Variants in SYNJ2 observed in about 807,000 individuals in gnomAD.
SYNJ2 encodes the protein synaptojanin 2, also known as polyphosphatidylinositol phosphatase SYNJ2.
A neutral mutation model predicts 141.3 loss-of-function variants in SYNJ2; 116 were observed. That is an observed-to-expected ratio of 0.82 (90% confidence interval 0.71 to 0.96). SYNJ2 has a LOEUF of 0.96. Among genes scored for constraint, SYNJ2 ranks in the 40% least tolerant of loss-of-function variants. SYNJ2 has a pLI of 0.00. For missense variants in SYNJ2, 1,873 were observed against 1,934.8 expected (o/e 0.97, Z 0.60); for synonymous variants, 745 against 777.7 (o/e 0.96, Z 0.70).
chr6:157,988,607 G>A (rs974139448), intron 1 of SYNJ2, among the ~76,000 whole-genome samples: 1 of 152,148 alleles, frequency 6.6e-6, no homozygotes. Flanking sequence ...CTTTTTGGCT[G>A]CTCAGTTTCT....
In SYNJ2 at chr6:157,997,686, C is replaced by T. The variant is rs552027390; in HGVS notation, c.127+15598C>T. The stretch of plus-strand genomic sequence containing the variant: ...ACTAATACAGGGGCATTGTGTATCT[C>T]GTTCAGTACCTTACCTTAACACTGC... On this transcript the variant is annotated intron_variant, in intron 1 of 26. Transcript: ENST00000355585. Among the ~76,000 whole-genome samples, 4 of 152,300 alleles carry T rather than the reference C, an allele frequency of 2.6e-5. No homozygotes were observed. The East Asian group carries it at 7.7e-4, about 29-fold the overall frequency.
chr6:157,996,300 C>T (rs745844280), intron 1 of SYNJ2, among the ~76,000 whole-genome samples: 4 of 152,284 alleles, frequency 2.6e-5, no homozygotes, highest in Non-Finnish European at 5.9e-5. Context: ...TGAATCCCAC[C>T]GAGTCCCCCG....
chr6:158,066,616 G>C lies in SYNJ2; in HGVS notation c.1698G>C (p.Ser566=). Residue 566 remains serine, a synonymous_variant, in exon 12 of 27, where the codon TCG becomes TCC. Transcript: ENST00000355585. ...GGCTGCTCGACTCGCCCCAGCTCTC[G>C]GGAGCTACCGACTCCCAGGGTGAGG... ...TDWLLDSPQL[S]GATDSQDDSS... is the part of the protein sequence containing the mutation. The C allele has an allele frequency of 6.2e-7, 1 of 1,613,618 alleles. No homozygotes were observed.
rs761033591 is a variant in SYNJ2, at chr6:158,043,338, T to C, written c.734T>C (p.Val245Ala). The C allele has an allele frequency of 1.9e-6, 3 of 1,613,896 alleles. No homozygotes were observed. The South Asian group carries it at 3.3e-5, about 18-fold the overall frequency. Residue 245 changes from valine to alanine, a missense_variant, in exon 5 of 27, where the codon GTG becomes GCG. Physicochemically the swap from Val to Ala is moderately conservative, Grantham distance 64. Transcript: ENST00000355585. The surrounding 1 kb of genome is among the most constrained non-coding windows in gnomAD (Gnocchi z 4.0). ...TEQMIYMDDG[V>A]SSFVQIRGSV... ...CAGATGATTTACATGGACGATGGAG[T>C]GTCATCTTTTGTCCAGATCAGAGGC...
chr6:158,087,108 T>G, intron 23 of SYNJ2, 119 bp downstream of exon 23: 1 of 1,177,244 alleles, frequency 8.5e-7, no homozygotes, highest in Middle Eastern at 2.0e-4. Context: ...CCCACAGGGC[T>G]TCCTCCTCCT....
intron 18 of SYNJ2, 100 bp downstream of exon 18, chr6:158,078,381 C>T (rs1315963008): frequency 1.1e-5 from 8 of 741,700 alleles, no homozygotes; most frequent in East Asian, 2.5e-5. Flanking sequence ...GATGTGTGTG[C>T]GCATGGGGGT....
chr6:158,056,111 T>C (rs1040799853), intron 6 of SYNJ2, among the ~76,000 whole-genome samples: 4 of 152,088 alleles, frequency 2.6e-5, no homozygotes, highest in Non-Finnish European at 5.9e-5. Flanking sequence ...ACAAAAATAT[T>C]CTACCCGAAG....
chr6:157,982,125 A>G lies in SYNJ2; in HGVS notation c.127+37A>G. 7.8e-7 allele frequency: 1 copy of G among 1,286,064 alleles called. No individual in the cohort carries two copies. Among genetic ancestry groups the G allele is most frequent in the Non-Finnish European group, 9.8e-7 (1 of 1,015,902 alleles). 79.7% of individuals were successfully genotyped at this position (1,286,064 alleles called of 1,614,324 possible). Reference sequence around the variant, plus strand: ...CCGGGGGCAGCGACGCCCGGAGGAGAGGGCGCCCGCATTCGCCCAGCCTCG... The same window carrying G: ...CCGGGGGCAGCGACGCCCGGAGGAGGGGGCGCCCGCATTCGCCCAGCCTCG... On this transcript the variant is annotated intron_variant, in intron 1 of 26. Transcript: ENST00000355585. The surrounding 1 kb of genome is among the most constrained non-coding windows in gnomAD (Gnocchi z 4.0).
chr6:158,030,928 G>T (rs557107351), intron 3 of SYNJ2: 1 of 152,172 alleles, frequency 6.6e-6, no homozygotes, highest in African/African-American at 2.4e-5. Flanking sequence ...AAATAAAATC[G>T]TGAATCTCAT....
intron 1 of SYNJ2, among the ~76,000 whole-genome samples, chr6:158,016,749 C>T (rs1778474955): frequency 6.6e-6 from 1 of 152,160 alleles, no homozygotes; most frequent in South Asian, 2.1e-4. Flanking sequence ...ATGGGTTGGA[C>T]CCAGGCCCTG....
chr6:158,033,308 G>A, intron 3 of SYNJ2, 147 bp from the exon 4 acceptor site: 2 of 775,316 alleles, frequency 2.6e-6, no homozygotes. Context: ...CAGCCCAAGT[G>A]CAGAGTCCAC....
rs997488548 is a variant in SYNJ2 at position 158,067,464 on chromosome 6, A to T, written c.1717+829A>T. 2.0e-5 allele frequency: 20 copies of T among 985,338 alleles called. No individual in the cohort carries two copies. In the African/African-American group the frequency reaches 3.5e-4, roughly 17 times the overall value. 61.0% of individuals were successfully genotyped at this position (985,338 alleles called of 1,614,324 possible). ...TCCAAATGTTGACACCTCACCTTTT[A>T]TCTTGTAAGATACACTATTGAATGG... On this transcript the variant is annotated intron_variant, in intron 12 of 26. Transcript: ENST00000355585.
In SYNJ2 at chr6:158,092,957, C is replaced by T. The variant is rs1488703575; in HGVS notation, c.3597C>T (p.Ala1199=). The T allele has an allele frequency of 1.2e-6, 2 of 1,605,666 alleles. No homozygotes were observed. Among genetic ancestry groups the T allele is most frequent in the African/African-American group, 1.4e-5 (1 of 74,050 alleles). The part of the protein sequence containing the change: ...GASEEALSAV[A]PRDLEASSEP... ...CCGAAGAAGCCCTAAGTGCCGTGGC[C>T]CCAAGGGACCTTGAAGCATCCTCTG... The change falls in exon 26 of 27, where the codon GCC becomes GCT. Residue 1199 remains alanine (A), a synonymous_variant. Coordinates refer to ENST00000355585, the MANE Select transcript of SYNJ2 (RefSeq NM_003898.4).
intron 1 of SYNJ2, among the ~76,000 whole-genome samples, chr6:157,988,226 C>G (rs191568565): frequency 9.6e-4 from 147 of 152,342 alleles, no homozygotes; most frequent in African/African-American, 3.4e-3. Flanking sequence ...AGCTGGGACT[C>G]TGTGTGTGTA....
intron 17 of SYNJ2, 87 bp downstream of exon 17, chr6:158,076,869 G>A (rs984507177): frequency 7.6e-6 from 11 of 1,444,932 alleles, no homozygotes; most frequent in South Asian, 2.8e-5. Context: ...AACCCCAGGC[G>A]CTGCTACATA....
rs897797850 is a variant in SYNJ2, at chr6:158,097,705, C to T, written c.*1341C>T. 14 of 152,128 alleles carry T rather than the reference C, an allele frequency of 9.2e-5. No individual in the cohort carries two copies. Among genetic ancestry groups the T allele is most frequent in the Non-Finnish European group, 1.5e-4 (10 of 68,016 alleles). 9.4% of individuals were successfully genotyped at this position (152,128 alleles called of 1,614,324 possible). On this transcript the variant is annotated 3_prime_UTR_variant, in exon 27 of 27. Coordinates refer to ENST00000355585, the MANE Select transcript of SYNJ2 (RefSeq NM_003898.4). ...CTGGGCTATGCCACTGTCTTGTTAC[C>T]AATTAGACATCTGGAATTTCATAAT...
rs1286433585 is a variant in SYNJ2, at chr6:158,066,465, C to G, written c.1547C>G (p.Ala516Gly). 2 of 1,614,180 alleles carry G rather than the reference C, an allele frequency of 1.2e-6. No homozygotes were observed. Among genetic ancestry groups the G allele is most frequent in the East Asian group, 2.2e-5 (1 of 44,884 alleles). The change falls in exon 12 of 27, where the codon GCT (alanine) becomes GGT (glycine). Residue 516 changes from alanine (A) to glycine (G), a missense_variant. Transcript: ENST00000355585. Reference protein sequence around the residue: ...ALLVTPRILKAMTERQSEFTN... With the variant: ...ALLVTPRILKGMTERQSEFTN... Reference sequence around the variant, plus strand: ...ACAGTGACTCCCAGGATCCTGAAAGCTATGACTGAGCGTCAGTCCGAATTC... The same window carrying G: ...ACAGTGACTCCCAGGATCCTGAAAGGTATGACTGAGCGTCAGTCCGAATTC...
In SYNJ2 at chr6:158,055,101, G is replaced by C. The variant is rs1036554587; in HGVS notation, c.857+73G>C. ...CATCGTCCTCCCATCAGACACAAGG[G>C]AGAGGGTGCGACGGGAAAGGGAGGA... On this transcript the variant is annotated intron_variant, in intron 6 of 26. Transcript: ENST00000355585. 1.7e-5 allele frequency: 26 copies of C among 1,539,060 alleles called. No individual in the cohort carries two copies. The African/African-American group carries it at 3.0e-4, about 18-fold the overall frequency.
chr6:157,983,051 G>A (rs552486826), intron 1 of SYNJ2, among the ~76,000 whole-genome samples: 4 of 152,202 alleles, frequency 2.6e-5, no homozygotes, highest in Admixed American at 6.5e-5. Flanking sequence ...ACAGCTTGCC[G>A]GTATTCCTAG....
Sources: allele counts gnomAD v4.1 joint callset (sites outside exome capture counted in the v4.1 genomes callset), GRCh38; gene constraint gnomAD v4.1.1; non-coding constraint Gnocchi (gnomAD v3.1); transcripts MANE v1.5; gene names NCBI Gene and HGNC (gene_info 2026-07-23, HGNC 2026-07-21).